The following PLOD2 variants were observed in gnomAD, a reference collection of about 807,000 sequenced individuals.
The protein encoded by PLOD2 is lysine hydroxylase 2.
PLOD2 carries 65 observed loss-of-function variants against 101.0 expected under a neutral mutation model. The ratio of observed to expected loss-of-function variants is 0.64; its 90% CI spans 0.53 to 0.79. The LOEUF is 0.79. Ranked by LOEUF, PLOD2 falls within the 30% of genes least tolerant of loss-of-function variation. The pLI, the probability that PLOD2 is intolerant of heterozygous loss-of-function variation, is 0.00. For synonymous variants in PLOD2, 314 were observed against 302.9 expected, an observed-to-expected ratio of 1.04 and a Z score of -0.38; for missense variants, 909 against 914.6, an observed-to-expected ratio of 0.99 and a Z score of 0.08.
intron 3 of PLOD2, among the ~76,000 whole-genome samples, chr3:146,113,719 T>C (rs1451379204): frequency 6.6e-6 from 1 of 152,186 alleles, no homozygotes; most frequent in African/African-American, 2.4e-5. Context: ...CTGTGATGAT[T>C]GCATTAACTG....
intron 1 of PLOD2, among the ~76,000 whole-genome samples, chr3:146,132,812 C>CA (rs902937339): frequency 4.0e-5 from 6 of 151,596 alleles, no homozygotes; most frequent in Middle Eastern, 3.4e-3. Flanking sequence ...GATTATACTG[C>CA]AAAAAAAATC....
intron 13 of PLOD2, among the ~76,000 whole-genome samples, chr3:146,078,584 T>G (rs1374176400): frequency 6.6e-6 from 1 of 151,894 alleles, no homozygotes; most frequent in Non-Finnish European, 1.5e-5. Flanking sequence ...TCATTAGTAT[T>G]TTATTTAGAG....
At chr3:146,123,241 G>A in intron 2 of PLOD2, 1 of 1,000,428 alleles carries the variant, frequency 1.0e-6, no homozygotes, top group Non-Finnish European at 1.3e-6. Context: ...TAAAAAAAAA[G>A]TTTTTTGCTT....
intron 3 of PLOD2, among the ~76,000 whole-genome samples, chr3:146,110,804 T>C (rs1342515612): frequency 4.6e-5 from 7 of 152,172 alleles, no homozygotes; most frequent in African/African-American, 1.7e-4. Flanking sequence ...ATAGAATCAT[T>C]TACGGAAGTT....
intron 7 of PLOD2, among the ~76,000 whole-genome samples, chr3:146,095,055 T>C: frequency 6.6e-6 from 1 of 151,842 alleles, no homozygotes; most frequent in East Asian, 1.9e-4. Flanking sequence ...CCTCACACCT[T>C]ATAAAAAATC....
At position 146,104,573 on chromosome 3, in the gene PLOD2, G is replaced by A. The variant is rs7649967; in HGVS notation, c.616-231C>T. Among the ~76,000 whole-genome samples, 418 of 152,228 alleles carry A rather than the reference G, an allele frequency of 2.7e-3. 1 individual carries two copies. The highest frequency in any genetic ancestry group is 9.2e-3 in the African/African-American group (384 of 41,550). On this transcript the variant is annotated intron_variant, in intron 5 of 19. Transcript: ENST00000282903. ...AAGAAAATCTTGTTTCCTAATGACA[G>A]CAACTACAAACACACAAGTAACTTT... is the stretch of plus-strand genomic sequence containing the variant.
At position 146,161,162 on chromosome 3, in the gene PLOD2, C is replaced by T. The variant is rs1350187717; in HGVS notation, c.-173G>A. 5 of 404,650 alleles carry T rather than the reference C, an allele frequency of 1.2e-5. No individual in the cohort carries two copies. The highest frequency in any genetic ancestry group is 1.7e-5 in the Non-Finnish European group (4 of 234,286). 25.1% of individuals were successfully genotyped at this position (404,650 alleles called of 1,614,324 possible). ...GGCGCGTAACGCAGCTGAGTGAGGT[C>T]GTCGGTGGAGGCACGGAGCAGCAGG... is the stretch of plus-strand genomic sequence containing the variant. On this transcript the variant is annotated 5_prime_UTR_variant, in exon 1 of 20. Transcript: ENST00000282903.
intron 1 of PLOD2, among the ~76,000 whole-genome samples, chr3:146,134,032 T>C (rs1043239156): frequency 3.9e-5 from 6 of 152,118 alleles, no homozygotes; most frequent in African/African-American, 1.4e-4. Flanking sequence ...ACATCATTAC[T>C]GAATAGTTGA....
At chr3:146,105,820 A>G (rs900963452) in intron 5 of PLOD2, among the ~76,000 whole-genome samples, 2 of 152,198 alleles carry the variant, frequency 1.3e-5, no homozygotes, top group African/African-American at 4.8e-5. Context: ...TCTAGGATCA[A>G]AGAAGCTCAG....
chr3:146,135,413 T>C (rs985622563), intron 1 of PLOD2, among the ~76,000 whole-genome samples: 12 of 152,328 alleles, frequency 7.9e-5, no homozygotes, highest in African/African-American at 2.9e-4. Context: ...AAAAAGTTTA[T>C]TATTCACTCT....
At chr3:146,156,890 C>G (rs1217751494) in intron 1 of PLOD2, among the ~76,000 whole-genome samples, 1 of 152,200 alleles carries the variant, frequency 6.6e-6, no homozygotes, top group Non-Finnish European at 1.5e-5. Context: ...AGGTATGTAA[C>G]CATCCCAAAT....
At chr3:146,122,589 T>C (rs1315231479) in intron 2 of PLOD2, among the ~76,000 whole-genome samples, 1 of 152,134 alleles carries the variant, frequency 6.6e-6, no homozygotes. Context: ...TATTTTTTCT[T>C]TCTTATCAGT....
At chr3:146,149,916 G>A (rs1015241197) in intron 1 of PLOD2, among the ~76,000 whole-genome samples, 3 of 151,890 alleles carry the variant, frequency 2.0e-5, no homozygotes, top group Non-Finnish European at 4.4e-5. Flanking sequence ...CCTGGAAACA[G>A]TAGGAAAAAT....
intron 7 of PLOD2, among the ~76,000 whole-genome samples, chr3:146,098,901 C>T (rs1038153396): frequency 3.9e-5 from 6 of 152,070 alleles, no homozygotes; most frequent in Non-Finnish European, 7.4e-5. Context: ...AATAATCAGC[C>T]TTCTTTCCCC....
At chr3:146,143,555 T>G (rs1453127999) in intron 1 of PLOD2, among the ~76,000 whole-genome samples, 5 of 152,066 alleles carry the variant, frequency 3.3e-5, no homozygotes, top group African/African-American at 1.2e-4. Context: ...AAATCATCTC[T>G]TAAAGAATTT....
chr3:146,120,117 T>G (rs2029993050), intron 3 of PLOD2, among the ~76,000 whole-genome samples: 1 of 151,820 alleles, frequency 6.6e-6, no homozygotes, highest in African/African-American at 2.4e-5. Context: ...GTTTCCTGAT[T>G]TTTTAATGAT....
At chr3:146,151,309 C>A (rs2032042970) in intron 1 of PLOD2, among the ~76,000 whole-genome samples, 1 of 151,960 alleles carries the variant, frequency 6.6e-6, no homozygotes, top group South Asian at 2.1e-4. Context: ...ACCAGCCTGA[C>A]AAAAATAGAG....
At chr3:146,071,229 G>T (rs1375191797) in intron 18 of PLOD2, 48 bp downstream of exon 18, 5 of 1,610,712 alleles carry the variant, frequency 3.1e-6, no homozygotes, top group Non-Finnish European at 4.2e-6. Context: ...AAGAACACCT[G>T]TGTAAAAATG....
At chr3:146,120,432 C>A (rs2030025138) in intron 3 of PLOD2, among the ~76,000 whole-genome samples, 1 of 152,030 alleles carries the variant, frequency 6.6e-6, no homozygotes, top group Non-Finnish European at 1.5e-5. Context: ...AAAGCTGAAA[C>A]TTGATCCCTT....
Sources: gnomAD v4.1 joint callset for allele counts (sites outside exome capture counted in the v4.1 genomes callset) on GRCh38, gnomAD v4.1.1 for gene constraint, MANE v1.5 for transcripts, NCBI Gene and HGNC (gene_info 2026-07-23, HGNC 2026-07-21) for gene names.